SDK1: variants seen among roughly 807,000 people sequenced by gnomAD.
SDK1 encodes the protein sidekick cell adhesion molecule 1.
A neutral mutation model predicts 245.5 loss-of-function variants in SDK1; 157 were observed. That is an observed-to-expected ratio of 0.64 (90% CI 0.56 to 0.73). The LOEUF is 0.73. SDK1 is among the 30% of genes least tolerant of loss of function. The probability of loss-of-function intolerance (pLI) is 0.00; values close to 1 mark genes in which losing one functional copy is unlikely to be tolerated. For missense variants in SDK1, 3,583 were observed against 3,002.3 expected, an observed-to-expected ratio of 1.19 and a Z score of -4.52; for synonymous variants, 1,647 against 1,278.5, an observed-to-expected ratio of 1.29 and a Z score of -6.15.
At chr7:4,209,639 A>C (rs889763766) in intron 37 of SDK1, among the ~76,000 whole-genome samples, 3 of 151,502 alleles carry the variant, frequency 2.0e-5, no homozygotes. Context: ...GGCTTCATCC[A>C]TCACAGAGCT....
rs145828800 is a variant in SDK1 at position 3,350,964 on chromosome 7, G to C, written c.298+49080G>C. ...AATTATGGTAGGGTAAACACAATTA[G>C]TGACATCTGGTTGCCCCAAGAATCA... On this transcript the variant is annotated intron_variant, in intron 1 of 44. Transcript: ENST00000404826. Among the ~76,000 whole-genome samples, 71 of 152,302 alleles carry C rather than the reference G, an allele frequency of 4.7e-4. 1 individual carries two copies. The East Asian group carries it at 0.011, about 23-fold the overall frequency.
intron 25 of SDK1, among the ~76,000 whole-genome samples, chr7:4,119,474 G>A (rs1783926221): frequency 6.8e-6 from 1 of 147,938 alleles, no homozygotes; most frequent in Non-Finnish European, 1.5e-5. Flanking sequence ...TAATAAGAAT[G>A]GCTCATAGAT....
At chr7:3,335,609 C>A (rs972707608) in intron 1 of SDK1, among the ~76,000 whole-genome samples, 2 of 152,040 alleles carry the variant, frequency 1.3e-5, no homozygotes, top group Non-Finnish European at 2.9e-5. Context: ...ATAAGAGGGT[C>A]TTTGTGGAGA....
intron 36 of SDK1, 70 bp downstream of exon 36, chr7:4,206,064 C>G (rs1784206432): frequency 9.7e-7 from 1 of 1,031,026 alleles, no homozygotes; most frequent in African/African-American, 1.6e-5. Context: ...GTCCTGCCTA[C>G]TGCATTGCCA....
chr7:3,680,979 A>G (rs1291753144), intron 4 of SDK1, among the ~76,000 whole-genome samples: 2 of 152,212 alleles, frequency 1.3e-5, no homozygotes, highest in East Asian at 1.9e-4. Context: ...AGTAGCTGGG[A>G]CTACAGGTGC....
chr7:3,813,673 C>T (rs71524015), intron 4 of SDK1, among the ~76,000 whole-genome samples: 19,364 of 117,052 alleles, frequency 0.17, 2,887 homozygotes, highest in African/African-American at 0.4. Context: ...TCTAGATCCC[C>T]GAGGAATCGC....
intron 5 of SDK1, among the ~76,000 whole-genome samples, chr7:3,885,791 CT>C (rs1348177521): frequency 6.6e-6 from 1 of 152,246 alleles, no homozygotes; most frequent in East Asian, 1.9e-4. Context: ...CCTTTCCCTT[CT>C]CTTGTTTCCT....
intron 4 of SDK1, among the ~76,000 whole-genome samples, chr7:3,741,730 T>C (rs1019498568): frequency 6.6e-6 from 1 of 152,152 alleles, no homozygotes; most frequent in Non-Finnish European, 1.5e-5. Flanking sequence ...ACTATTGGGA[T>C]GGACGTACTT....
At chr7:3,672,740 A>G (rs1783744934) in intron 4 of SDK1, among the ~76,000 whole-genome samples, 1 of 94,030 alleles carries the variant, frequency 1.1e-5, no homozygotes, top group African/African-American at 4.3e-5. Flanking sequence ...TGTAATATAT[A>G]TTTTTATAAT....
rs549184024 is a variant in SDK1 at position 3,530,333 on chromosome 7, G to A, written c.299-88747G>A. Among the ~76,000 whole-genome samples, 370 of 152,090 alleles carry A rather than the reference G, an allele frequency of 2.4e-3. 3 individuals are homozygous for A. Among genetic ancestry groups the A allele is most frequent in the South Asian group, 0.018 (86 of 4,812 alleles). On this transcript the variant is annotated intron_variant, in intron 1 of 44. Coordinates refer to ENST00000404826, the MANE Select transcript of SDK1 (RefSeq NM_152744.4). Reference sequence around the variant, plus strand: ...TTCACAGATGTTCCTCCCACCCCCCGCATAAACATTTTCAATGAAAGTTTA... The same window carrying A: ...TTCACAGATGTTCCTCCCACCCCCCACATAAACATTTTCAATGAAAGTTTA...
At chr7:3,478,660 A>G (rs1278087898) in intron 1 of SDK1, among the ~76,000 whole-genome samples, 1 of 152,034 alleles carries the variant, frequency 6.6e-6, no homozygotes, top group Non-Finnish European at 1.5e-5. Flanking sequence ...CAAAGAATCA[A>G]AGGTTTTATT....
intron 28 of SDK1, among the ~76,000 whole-genome samples, chr7:4,135,879 G>A (rs1294400929): frequency 6.6e-6 from 1 of 152,196 alleles, no homozygotes; most frequent in East Asian, 1.9e-4. Context: ...GGCTCAGCCT[G>A]GTCCTAGTAT....
intron 1 of SDK1, among the ~76,000 whole-genome samples, chr7:3,467,166 T>C (rs1370573206): frequency 6.6e-6 from 1 of 152,176 alleles, no homozygotes; most frequent in Admixed American, 6.5e-5. Flanking sequence ...AGTATTTTTA[T>C]GATCAATAAA....
chr7:4,205,159 A>G (rs368762759), intron 35 of SDK1, among the ~76,000 whole-genome samples: 16 of 152,182 alleles, frequency 1.1e-4, no homozygotes, highest in Admixed American at 1.3e-4. Flanking sequence ...GTGAAGCCAG[A>G]GCTGGCCTCA....
intron 1 of SDK1, among the ~76,000 whole-genome samples, chr7:3,343,773 C>G (rs1350914807): frequency 1.3e-5 from 2 of 151,860 alleles, no homozygotes; most frequent in Non-Finnish European, 2.9e-5. Context: ...TGGAAAGTGC[C>G]TTAAAATACA....
chr7:4,242,668 G>T (rs1039262301), intron 43 of SDK1, among the ~76,000 whole-genome samples: 1 of 152,210 alleles, frequency 6.6e-6, no homozygotes, highest in Non-Finnish European at 1.5e-5. Flanking sequence ...CAGCATCGGG[G>T]TGGAGGAGGC....
chr7:3,411,082 A>G (rs1779187029), intron 1 of SDK1, among the ~76,000 whole-genome samples: 1 of 152,188 alleles, frequency 6.6e-6, no homozygotes, highest in Non-Finnish European at 1.5e-5. Context: ...ATTATAAGAA[A>G]GAAAAACTTA....
intron 13 of SDK1, among the ~76,000 whole-genome samples, chr7:3,984,686 G>A (rs1014131702): frequency 1.3e-5 from 2 of 152,148 alleles, no homozygotes; most frequent in African/African-American, 4.8e-5. Flanking sequence ...TACTGTGTGT[G>A]TCTGCAGAGC....
intron 4 of SDK1, among the ~76,000 whole-genome samples, chr7:3,694,708 T>G (rs937225020): frequency 6.6e-6 from 1 of 152,198 alleles, no homozygotes; most frequent in African/African-American, 2.4e-5. Flanking sequence ...CATCCGTCTC[T>G]GGGCCACATC....
Sources: allele counts gnomAD v4.1 joint callset (sites outside exome capture counted in the v4.1 genomes callset), GRCh38; gene constraint gnomAD v4.1.1; transcripts MANE v1.5; gene names NCBI Gene and HGNC (gene_info 2026-07-23, HGNC 2026-07-21).